Variants in NRG3 observed in about 807,000 individuals in gnomAD.
NRG3 encodes the protein neuregulin 3.
NRG3 carries 31 observed loss-of-function variants against 66.9 expected under a neutral mutation model. The observed-to-expected ratio is 0.46, with a 90% CI of 0.35 to 0.63. The LOEUF is 0.63. Ranked by LOEUF, NRG3 falls within the 20% of genes least tolerant of loss-of-function variation. The probability of loss-of-function intolerance (pLI) is 0.00; values close to 1 mark genes in which losing one functional copy is unlikely to be tolerated. For missense variants in NRG3, 910 were observed against 878.9 expected (o/e 1.04, Z -0.45); for synonymous variants, 393 against 359.4 (o/e 1.09, Z -1.06).
chr10:82,022,697 G>A (rs2062117196), intron 1 of NRG3, among the ~76,000 whole-genome samples: 1 of 152,040 alleles, frequency 6.6e-6, no homozygotes, highest in Admixed American at 6.6e-5. Flanking sequence ...TTGTCAAATC[G>A]GAAGCTATCA....
intron 2 of NRG3, among the ~76,000 whole-genome samples, chr10:82,429,125 T>C (rs1005586178): frequency 3.9e-5 from 6 of 152,024 alleles, no homozygotes; most frequent in Non-Finnish European, 5.9e-5. Flanking sequence ...CTTAAACTCC[T>C]CTTTGTTCTA....
intron 2 of NRG3, among the ~76,000 whole-genome samples, chr10:82,709,312 G>T (rs12242808): frequency 0.24 from 37,094 of 151,776 alleles, 4,703 homozygotes; most frequent in Middle Eastern, 0.36. Context: ...CCCAGGTGTC[G>T]TTTCTTTCTT....
intron 2 of NRG3, among the ~76,000 whole-genome samples, chr10:82,605,364 G>A (rs1195143580): frequency 6.6e-6 from 1 of 151,870 alleles, no homozygotes; most frequent in East Asian, 1.9e-4. Context: ...TTAACCCATT[G>A]ATATGATAGA....
intron 2 of NRG3, among the ~76,000 whole-genome samples, chr10:82,528,873 G>A (rs1417334570): frequency 6.6e-6 from 1 of 151,884 alleles, no homozygotes; most frequent in Admixed American, 6.6e-5. Context: ...TCTTTTTTAG[G>A]GGGAGACCAC....
chr10:82,318,736 C>T (rs187284565), intron 1 of NRG3, among the ~76,000 whole-genome samples: 16 of 152,316 alleles, frequency 1.1e-4, no homozygotes, highest in African/African-American at 3.6e-4. Flanking sequence ...TCAGCCCCCA[C>T]GGCACAGAAC....
chr10:82,586,978 A>T (rs2046713002), intron 2 of NRG3, among the ~76,000 whole-genome samples: 1 of 152,142 alleles, frequency 6.6e-6, no homozygotes, highest in African/African-American at 2.4e-5. Flanking sequence ...AATGATACTG[A>T]AATCTTTGCA....
intron 3 of NRG3, 114 bp from the exon 4 acceptor site, chr10:82,865,297 C>A: frequency 1.0e-6 from 1 of 982,352 alleles, no homozygotes; most frequent in Non-Finnish European, 1.6e-6. Flanking sequence ...AAAATTGAGG[C>A]TGTGCCTTGC....
intron 1 of NRG3, among the ~76,000 whole-genome samples, chr10:82,238,840 A>C (rs1238611374): frequency 6.7e-6 from 1 of 149,924 alleles, no homozygotes. Context: ...CTAACCTTCT[A>C]CCATCATAAA....
At chr10:82,895,178 G>A (rs1016811523) in intron 4 of NRG3, among the ~76,000 whole-genome samples, 1 of 151,936 alleles carries the variant, frequency 6.6e-6, no homozygotes, top group Non-Finnish European at 1.5e-5. Flanking sequence ...TTTCTATCAT[G>A]GCAATTTCTA....
chr10:81,893,609 G>A (rs537845482), intron 1 of NRG3, among the ~76,000 whole-genome samples: 1 of 152,252 alleles, frequency 6.6e-6, no homozygotes, highest in African/African-American at 2.4e-5. Context: ...CATTTCATTA[G>A]CAGCAAAACA....
chr10:82,302,692 G>A (rs1227243219), intron 1 of NRG3, among the ~76,000 whole-genome samples: 2 of 152,124 alleles, frequency 1.3e-5, no homozygotes, highest in Non-Finnish European at 2.9e-5. Context: ...GATATCCCAA[G>A]AGAACTTCTT....
chr10:82,230,928 G>A (rs1649978), intron 1 of NRG3, among the ~76,000 whole-genome samples: 15,824 of 152,184 alleles, frequency 0.1, 895 homozygotes, highest in Middle Eastern at 0.18. Flanking sequence ...TGTAGTAAAA[G>A]TGTGTAAACA....
intron 1 of NRG3, among the ~76,000 whole-genome samples, chr10:82,061,801 C>A (rs1332424383): frequency 6.6e-6 from 1 of 151,576 alleles, no homozygotes; most frequent in African/African-American, 2.4e-5. Context: ...CTGTCTGTCT[C>A]CCTCCTTTCC....
At chr10:82,239,901 C>T (rs2076932509) in intron 1 of NRG3, among the ~76,000 whole-genome samples, 1 of 151,960 alleles carries the variant, frequency 6.6e-6, no homozygotes, top group Non-Finnish European at 1.5e-5. Context: ...ATTGTATTCA[C>T]AAAAAGAAAC....
chr10:82,676,858 G>A, intron 2 of NRG3, among the ~76,000 whole-genome samples: 1 of 151,690 alleles, frequency 6.6e-6, no homozygotes, highest in East Asian at 1.9e-4. Flanking sequence ...ATTGTAGTTT[G>A]GAGTTGCTTT....
intron 2 of NRG3, among the ~76,000 whole-genome samples, chr10:82,446,679 A>G (rs527739104): frequency 2.6e-5 from 4 of 152,306 alleles, no homozygotes; most frequent in African/African-American, 4.8e-5. Flanking sequence ...AAAATAGCCA[A>G]TGGATGCTTG....
chr10:82,442,555 G>C (rs182922473), intron 2 of NRG3, among the ~76,000 whole-genome samples: 1 of 152,208 alleles, frequency 6.6e-6, no homozygotes, highest in African/African-American at 2.4e-5. Context: ...GAGCAAATAA[G>C]GAAACAGCAG....
rs145680783 is a variant in NRG3 at position 82,854,712 on chromosome 10, T to G, written c.1028-10699T>G. On this transcript the variant is annotated intron_variant, in intron 3 of 8. Coordinates refer to ENST00000372141, the MANE Select transcript of NRG3 (RefSeq NM_001010848.4). ...CATTTTTTAAAAATGTGAGTTCATC[T>G]TGTCTTACCTCACACAGTTTCTTGA... Among the ~76,000 whole-genome samples the G allele has an allele frequency of 2.3e-3, 351 of 152,322 alleles. 2 individuals carry two copies. Among genetic ancestry groups the G allele is most frequent in the African/African-American group, 8.1e-3 (335 of 41,572 alleles).
intron 2 of NRG3, among the ~76,000 whole-genome samples, chr10:82,531,301 T>A (rs1847235291): frequency 6.6e-6 from 1 of 151,734 alleles, no homozygotes; most frequent in African/African-American, 2.4e-5. Context: ...TGACATAATA[T>A]TAGAGACAGA....
Sources: gnomAD v4.1 joint callset for allele counts (sites outside exome capture counted in the v4.1 genomes callset) on GRCh38, gnomAD v4.1.1 for gene constraint, MANE v1.5 for transcripts, NCBI Gene and HGNC (gene_info 2026-07-23, HGNC 2026-07-21) for gene names.